DRAM1: variants seen among roughly 807,000 people sequenced by gnomAD.
DRAM1 encodes the protein DNA damage regulated autophagy modulator 1.
In DRAM1, 25 loss-of-function variants were observed where a neutral mutation model predicts 28.5. That is an observed-to-expected ratio of 0.88 (90% CI 0.64 to 1.23). The LOEUF (loss-of-function observed/expected upper bound fraction) is 1.23, where lower values mean the gene tolerates loss of function less well. Ranked by LOEUF, DRAM1 falls within the 50% of genes most tolerant of loss-of-function variation. DRAM1 has a pLI of 0.00. For synonymous variants in DRAM1, 113 were observed against 114.2 expected, an observed-to-expected ratio of 0.99 and a Z score of 0.07; for missense variants, 249 against 299.2, an observed-to-expected ratio of 0.83 and a Z score of 1.24.
chr12:101,895,829 CG>C (rs1873347457), intron 1 of DRAM1, among the ~76,000 whole-genome samples: 1 of 151,484 alleles, frequency 6.6e-6, no homozygotes, highest in Admixed American at 6.6e-5. Context: ...CTCGGGCTCC[CG>C]TAGTGCTGGG....
chr12:101,890,779 C>G (rs1019857797), intron 1 of DRAM1, among the ~76,000 whole-genome samples: 13 of 143,322 alleles, frequency 9.1e-5, no homozygotes, highest in Non-Finnish European at 1.5e-4. Flanking sequence ...GAGTCGGCGT[C>G]TTGCTCTGTC....
chr12:101,888,353 A>G (rs909346440), intron 1 of DRAM1, among the ~76,000 whole-genome samples: 1 of 151,620 alleles, frequency 6.6e-6, no homozygotes, highest in Non-Finnish European at 1.5e-5. Context: ...CTGGTCTCGA[A>G]CTCTTGACCT....
rs1379926032 is a variant in DRAM1 at position 101,914,469 on chromosome 12, CT to C, written c.579+240del. On this transcript the variant is annotated intron_variant, in intron 5 of 6. Transcript: ENST00000258534. ...AAAATTTTGAGTTCCTAATTTCTTT[CT>C]TTCTTCTTCTTCTTCTTTTTTTTTT... is the stretch of plus-strand genomic sequence containing the variant. Among the ~76,000 whole-genome samples, 24 of 148,744 alleles carry C rather than the reference CT, an allele frequency of 1.6e-4. No individual in the cohort carries two copies. In the South Asian group the frequency reaches 5.0e-3, roughly 31 times the overall value.
At chr12:101,882,343 C>T (rs1393814398) in intron 1 of DRAM1, among the ~76,000 whole-genome samples, 7 of 150,826 alleles carry the variant, frequency 4.6e-5, no homozygotes, top group Non-Finnish European at 8.8e-5. Context: ...ATCTCCTGAC[C>T]TTGTGATCCG....
intron 3 of DRAM1, among the ~76,000 whole-genome samples, chr12:101,906,583 G>A (rs1163604223): frequency 1.3e-5 from 2 of 152,340 alleles, no homozygotes; most frequent in African/African-American, 4.8e-5. Flanking sequence ...GCTGGGTGTG[G>A]TGGCTCATGC....
At chr12:101,900,585 G>A (rs1338781140) in intron 2 of DRAM1, among the ~76,000 whole-genome samples, 1 of 152,204 alleles carries the variant, frequency 6.6e-6, no homozygotes, top group East Asian at 1.9e-4. Context: ...ACTGAAAGTT[G>A]CTAAATCTTG....
intron 6 of DRAM1, among the ~76,000 whole-genome samples, chr12:101,920,852 C>T (rs1258509174): frequency 2.0e-5 from 3 of 151,904 alleles, no homozygotes; most frequent in Admixed American, 1.3e-4. Context: ...CGGAGGTTGT[C>T]GTGAGCTGAG....
intron 5 of DRAM1, among the ~76,000 whole-genome samples, chr12:101,917,147 C>T (rs1477756022): frequency 2.0e-5 from 3 of 152,154 alleles, no homozygotes; most frequent in East Asian, 1.9e-4. Flanking sequence ...AGTAAAACGC[C>T]GAGGTTAGAA....
chr12:101,904,285 C>T (rs1359226391), intron 3 of DRAM1, among the ~76,000 whole-genome samples: 3 of 151,516 alleles, frequency 2.0e-5, no homozygotes. Context: ...TCGTGCCCAG[C>T]CTATAAACAA....
chr12:101,909,092 T>G (rs1384734935), intron 4 of DRAM1, among the ~76,000 whole-genome samples: 1 of 151,886 alleles, frequency 6.6e-6, no homozygotes, highest in Non-Finnish European at 1.5e-5. Context: ...AGAAACCCTG[T>G]CTTTACTAAA....
chr12:101,907,568 G>A (rs142414256), intron 3 of DRAM1, among the ~76,000 whole-genome samples: 52 of 151,780 alleles, frequency 3.4e-4, no homozygotes, highest in African/African-American at 1.2e-3. Context: ...GCGAAACCCC[G>A]TCTCTACTAA....
chr12:101,888,897 C>T (rs769646993), intron 1 of DRAM1, among the ~76,000 whole-genome samples: 9 of 147,942 alleles, frequency 6.1e-5, no homozygotes, highest in Non-Finnish European at 1.2e-4. Flanking sequence ...GTCTGCCTTC[C>T]GGGCTCAAGT....
intron 5 of DRAM1, among the ~76,000 whole-genome samples, chr12:101,916,522 C>T (rs911157344): frequency 6.6e-6 from 1 of 152,160 alleles, no homozygotes; most frequent in Non-Finnish European, 1.5e-5. Flanking sequence ...TTGGACCAAG[C>T]ATCAGAACAC....
Position 101,921,163 on chromosome 12 carries a change from C to T in DRAM1, c.673-53C>T, listed in dbSNP as rs74465396. ...GAGCTGTTGGAAATGTCATTGTCAA[C>T]GCTGGGATTGTTTAACTTCTTTTAA... On this transcript the variant is annotated intron_variant, in intron 6 of 6. Transcript: ENST00000258534. The T allele has an allele frequency of 1.4e-3, 1,805 of 1,290,478 alleles. 18 individuals carry two copies. The African/African-American group carries it at 0.022, about 16-fold the overall frequency. The allele number at this position is 1,290,478 out of a possible 1,614,324, so 79.9% of individuals were successfully genotyped here. A position where few individuals can be genotyped will look rare whatever the true frequency, so the allele number is the denominator to read the frequency against.
Position 101,922,128 on chromosome 12 carries a change from A to G in DRAM1, c.*868A>G, listed in dbSNP as rs944574286. 9 of 152,276 alleles carry G rather than the reference A, an allele frequency of 5.9e-5. No homozygotes were observed. The highest frequency in any genetic ancestry group is 2.0e-4 in the Admixed American group (3 of 15,290). The allele number at this position is 152,276 out of a possible 1,614,324, so 9.4% of individuals were successfully genotyped here. A position where few individuals can be genotyped will look rare whatever the true frequency, so the allele number is the denominator to read the frequency against. On this transcript the variant is annotated 3_prime_UTR_variant, in exon 7 of 7. Coordinates refer to ENST00000258534, the MANE Select transcript of DRAM1 (RefSeq NM_018370.3). ...ATGTGGCAAAGAGAAGAAAGGCCCA[A>G]GAGCGAGACAAGAAGAATGGAGAAG... is the stretch of plus-strand genomic sequence containing the variant.
chr12:101,916,754 A>G (rs546656606), intron 5 of DRAM1, among the ~76,000 whole-genome samples: 1 of 152,344 alleles, frequency 6.6e-6, no homozygotes, highest in East Asian at 1.9e-4. Context: ...CTTGTGCTGT[A>G]TGGTAGACCT....
At chr12:101,910,763 G>A (rs1312760034) in intron 4 of DRAM1, among the ~76,000 whole-genome samples, 1 of 152,016 alleles carries the variant, frequency 6.6e-6, no homozygotes, top group African/African-American at 2.4e-5. Flanking sequence ...ACAGGTGTGA[G>A]CCACTGTGCC....
At chr12:101,902,632 A>G (rs536912834) in intron 3 of DRAM1, among the ~76,000 whole-genome samples, 2 of 152,352 alleles carry the variant, frequency 1.3e-5, no homozygotes, top group East Asian at 3.9e-4. Context: ...TTTTTAAACC[A>G]TTTAAGGGCT....
chr12:101,890,114 T>C (rs1321310104), intron 1 of DRAM1: 1 of 450,444 alleles, frequency 2.2e-6, no homozygotes, highest in Admixed American at 2.4e-5. Flanking sequence ...AGCCTCACTC[T>C]GTCGGCCAGG....
Sources: allele counts gnomAD v4.1 joint callset (sites outside exome capture counted in the v4.1 genomes callset), GRCh38; gene constraint gnomAD v4.1.1; transcripts MANE v1.5; gene names NCBI Gene and HGNC (gene_info 2026-07-23, HGNC 2026-07-21).